The following DNAH9 variants were observed in gnomAD, a reference collection of about 807,000 sequenced individuals.
The protein encoded by DNAH9 is dynein axonemal heavy chain 9, also known as DNAH9 variant protein.
Under a neutral mutation model 471.6 loss-of-function variants are expected in DNAH9, and 345 were observed. That is an observed-to-expected ratio of 0.73 (90% CI 0.67 to 0.80). The LOEUF (loss-of-function observed/expected upper bound fraction) is 0.80, where lower values mean the gene tolerates loss of function less well. Among genes scored for constraint, DNAH9 ranks in the 30% least tolerant of loss-of-function variants. DNAH9 has a pLI of 0.00. For missense variants in DNAH9, 5,407 were observed against 5,609.2 expected, an observed-to-expected ratio of 0.96 and a Z score of 1.15; for synonymous variants, 2,093 against 2,123.6, an observed-to-expected ratio of 0.99 and a Z score of 0.40.
rs1190329310 is a variant in DNAH9, at chr17:11,699,982, G to T, written c.5025+99G>T. The T allele has an allele frequency of 5.5e-6, 7 of 1,273,980 alleles. No homozygotes were observed. In the East Asian group the frequency reaches 1.2e-4, roughly 22 times the overall value. 78.9% of individuals were successfully genotyped at this position (1,273,980 alleles called of 1,614,324 possible). A position where few individuals can be genotyped will look rare whatever the true frequency, so the allele number is the denominator to read the frequency against. On this transcript the variant is annotated intron_variant, in intron 23 of 68. Coordinates refer to ENST00000262442, the MANE Select transcript of DNAH9 (RefSeq NM_001372.4). ...ACTCTAGGAGGGCCTTTCTGACCTTGGTCCAGAGCTGCTGTCCATGCCCTC... is the reference window on the plus strand; with the variant it reads ...ACTCTAGGAGGGCCTTTCTGACCTTTGTCCAGAGCTGCTGTCCATGCCCTC...
intron 67 of DNAH9, among the ~76,000 whole-genome samples, chr17:11,948,470 TC>T (rs1225462721): frequency 6.6e-6 from 1 of 152,072 alleles, no homozygotes; most frequent in Non-Finnish European, 1.5e-5. Flanking sequence ...CCTCAAGTGA[TC>T]CACCCGCCTC....
rs949950022 is a variant in DNAH9, at chr17:11,765,776, A to T, written c.7170+2162A>T. 3.3e-5 allele frequency among the ~76,000 whole-genome samples: 5 copies of T among 152,192 alleles called. No homozygotes were observed. The South Asian group carries it at 6.2e-4, about 19-fold the overall frequency. The stretch of plus-strand genomic sequence containing the variant: ...GCAAGGAGGCAAAGATTTCAGCAGG[A>T]TGGATGAGACCTGGCTGAACTGCAC... On this transcript the variant is annotated intron_variant, in intron 36 of 68. Coordinates refer to ENST00000262442, the MANE Select transcript of DNAH9 (RefSeq NM_001372.4).
At chr17:11,843,764 T>C (rs1192495635) in intron 49 of DNAH9, among the ~76,000 whole-genome samples, 2 of 150,178 alleles carry the variant, frequency 1.3e-5, no homozygotes, top group Non-Finnish European at 3.0e-5. Context: ...TTTCAGATTT[T>C]ATTTTCAGTA....
rs577647488 is a variant in DNAH9 at position 11,652,510 on chromosome 17, C to T, written c.2354-251C>T. On this transcript the variant is annotated intron_variant, in intron 13 of 68. Coordinates refer to ENST00000262442, the MANE Select transcript of DNAH9 (RefSeq NM_001372.4). ...CCGTGTTAGCCAGGATGGTCTCGATCTCCTGACCTCGTGATCCGCCCACCT... is the reference window on the plus strand; with the variant it reads ...CCGTGTTAGCCAGGATGGTCTCGATTTCCTGACCTCGTGATCCGCCCACCT... Among the ~76,000 whole-genome samples, 384 of 152,090 alleles carry T rather than the reference C, an allele frequency of 2.5e-3. 1 individual carries two copies. The highest frequency in any genetic ancestry group is 9.1e-3 in the African/African-American group (377 of 41,474).
At chr17:11,786,255 C>T (rs1283092758) in intron 41 of DNAH9, among the ~76,000 whole-genome samples, 1 of 152,106 alleles carries the variant, frequency 6.6e-6, no homozygotes, top group Non-Finnish European at 1.5e-5. Flanking sequence ...ATACTCACGA[C>T]AACCCTTTGG....
At chr17:11,628,279 G>A (rs2073004697) in intron 6 of DNAH9, among the ~76,000 whole-genome samples, 1 of 152,204 alleles carries the variant, frequency 6.6e-6, no homozygotes, top group Non-Finnish European at 1.5e-5. Context: ...TCGGAGGTGA[G>A]GCAGCTTCCG....
Position 11,669,655 on chromosome 17 carries a change from G to A in DNAH9, c.3214G>A (p.Val1072Met). The change falls in exon 17 of 69, where the codon GTG (valine) becomes ATG (methionine). Residue 1072 changes from valine (V) to methionine (M), a missense_variant. Val to Met is a conservative substitution (Grantham distance 21). Around this residue, in one of 3 missense-constraint regions of DNAH9, gnomAD observed 4,636 missense variants for 4,900.3 expected, o/e 0.95. Coordinates refer to ENST00000262442, the MANE Select transcript of DNAH9 (RefSeq NM_001372.4). Reference protein sequence around the residue: ...IDSYETLYEEVCRLEPIKVFD... With the variant: ...IDSYETLYEEMCRLEPIKVFD... ...CTCCTATGAAACGCTCTATGAAGAG[G>A]TGTGCAGGCTGGAACCCATCAAGGT... is the stretch of plus-strand genomic sequence containing the variant. 6 of 1,614,170 alleles carry A rather than the reference G, an allele frequency of 3.7e-6. No individual in the cohort carries two copies. Among genetic ancestry groups the A allele is most frequent in the Non-Finnish European group, 5.1e-6 (6 of 1,180,030 alleles).
intron 6 of DNAH9, among the ~76,000 whole-genome samples, chr17:11,627,327 T>A (rs1017564195): frequency 6.6e-6 from 1 of 152,244 alleles, no homozygotes; most frequent in Non-Finnish European, 1.5e-5. Context: ...GCTTTAAGTA[T>A]TCTTGAGAAA....
intron 50 of DNAH9, among the ~76,000 whole-genome samples, chr17:11,861,424 T>A (rs1177309114): frequency 6.6e-6 from 1 of 151,948 alleles, no homozygotes; most frequent in African/African-American, 2.4e-5. Context: ...CAGTCTATCA[T>A]TGTTGGACAT....
At chr17:11,646,625 T>C (rs2073396259) in intron 11 of DNAH9, among the ~76,000 whole-genome samples, 1 of 152,150 alleles carries the variant, frequency 6.6e-6, no homozygotes, top group African/African-American at 2.4e-5. Context: ...TAGAAATCTG[T>C]GGCTATGGCC....
At chr17:11,811,759 A>T (rs780644651) in intron 45 of DNAH9, among the ~76,000 whole-genome samples, 2 of 152,006 alleles carry the variant, frequency 1.3e-5, no homozygotes, top group Non-Finnish European at 2.9e-5. Flanking sequence ...TCTTCCGTCA[A>T]AGGTATATTG....
chr17:11,812,806 CTCA>C (rs1406504666), intron 45 of DNAH9, among the ~76,000 whole-genome samples: 1 of 152,142 alleles, frequency 6.6e-6, no homozygotes, highest in African/African-American at 2.4e-5. Context: ...TCTTTAACAT[CTCA>C]TCACCTTCTG....
In DNAH9 at chr17:11,936,780, A is replaced by T. The variant is rs780779553; in HGVS notation, c.12490-572A>T. Among the ~76,000 whole-genome samples, 52 of 152,150 alleles carry T rather than the reference A, an allele frequency of 3.4e-4. 1 individual carries two copies. The highest frequency in any genetic ancestry group is 6.6e-4 in the Non-Finnish European group (45 of 68,004). ...TGCTAGGGTGACACATAGTTTCAAAATTTTTTTTATTTGAATACCTTTCAC... is the reference window on the plus strand; with the variant it reads ...TGCTAGGGTGACACATAGTTTCAAATTTTTTTTTATTTGAATACCTTTCAC... On this transcript the variant is annotated intron_variant, in intron 65 of 68. Coordinates refer to ENST00000262442, the MANE Select transcript of DNAH9 (RefSeq NM_001372.4).
intron 45 of DNAH9, among the ~76,000 whole-genome samples, chr17:11,819,227 G>A (rs1377066336): frequency 6.6e-6 from 1 of 151,924 alleles, no homozygotes; most frequent in Non-Finnish European, 1.5e-5. Context: ...TTTATATAGT[G>A]ATCTAATTAT....
At chr17:11,894,809 C>G (rs1973172930) in intron 59 of DNAH9, among the ~76,000 whole-genome samples, 1 of 152,160 alleles carries the variant, frequency 6.6e-6, no homozygotes, top group African/African-American at 2.4e-5. Context: ...ACATGGCCTC[C>G]TCAGTGAGTC....
intron 67 of DNAH9, among the ~76,000 whole-genome samples, chr17:11,959,577 A>AAT (rs1975906419): frequency 1.3e-5 from 2 of 152,214 alleles, no homozygotes; most frequent in African/African-American, 2.4e-5. Context: ...ATTCCAAACA[A>AAT]AGGAAACAGT....
At chr17:11,771,285 C>T (rs1281669407) in intron 38 of DNAH9, among the ~76,000 whole-genome samples, 1 of 152,136 alleles carries the variant, frequency 6.6e-6, no homozygotes, top group African/African-American at 2.4e-5. Context: ...CCTGCCAAGA[C>T]ACCCAGCTAA....
At chr17:11,730,420 C>T (rs565224003) in intron 28 of DNAH9, among the ~76,000 whole-genome samples, 1 of 152,164 alleles carries the variant, frequency 6.6e-6, no homozygotes, top group Non-Finnish European at 1.5e-5. Flanking sequence ...GTTGCCAGAT[C>T]TTTTACGTTT....
In DNAH9 at chr17:11,905,704, A is replaced by G; in HGVS notation, c.11644A>G (p.Arg3882Gly). The G allele has an allele frequency of 1.2e-6, 2 of 1,614,142 alleles. No homozygotes were observed. The highest frequency in any genetic ancestry group is 1.7e-6 in the Non-Finnish European group (2 of 1,180,010). The part of the protein sequence containing the change: ...EKLGSKYVVG[R>G]ALDFATSFEE... The stretch of plus-strand genomic sequence containing the variant: ...GTTAGGAAGCAAATACGTGGTGGGA[A>G]GAGCCCTAGATTTTGCAACCTCATT... Residue 3882 changes from arginine (R) to glycine (G), a missense_variant, in exon 61 of 69, where the codon AGA becomes GGA. Around this residue, in one of 3 missense-constraint regions of DNAH9, gnomAD observed 4,636 missense variants for 4,900.3 expected, o/e 0.95. Transcript: ENST00000262442.
Sources: allele counts gnomAD v4.1 joint callset (sites outside exome capture counted in the v4.1 genomes callset), GRCh38; gene constraint gnomAD v4.1.1; regional missense constraint gnomAD v4.1.1; transcripts MANE v1.5; gene names NCBI Gene and HGNC (gene_info 2026-07-23, HGNC 2026-07-21).